The following MYO3B variants were observed in gnomAD, a reference collection of about 807,000 sequenced individuals.
MYO3B encodes the protein myosin IIIB.
A neutral mutation model predicts 174.6 loss-of-function variants in MYO3B; 156 were observed. The observed-to-expected ratio is 0.89, with a 90% CI of 0.78 to 1.02. MYO3B has a LOEUF of 1.02. Ranked by LOEUF, MYO3B falls within the 50% of genes least tolerant of loss-of-function variation. The pLI is 0.00. For synonymous variants in MYO3B, 563 were observed against 569.1 expected (o/e 0.99, Z 0.15); for missense variants, 1,632 against 1,639.4 (o/e 1.00, Z 0.08).
At chr2:170,583,793 C>T (rs1693315489) in intron 32 of MYO3B, among the ~76,000 whole-genome samples, 2 of 152,052 alleles carry the variant, frequency 1.3e-5, no homozygotes, top group South Asian at 4.1e-4. Flanking sequence ...GCTCCTTGCC[C>T]AAGGTCACAC....
At chr2:170,337,938 G>A (rs1361319811) in intron 8 of MYO3B, 1 of 152,094 alleles carries the variant, frequency 6.6e-6, no homozygotes, top group Non-Finnish European at 1.5e-5. Context: ...GAAGAGGAGG[G>A]GTTGGTTCCG....
chr2:170,540,900 A>C (rs1690055754), intron 30 of MYO3B, among the ~76,000 whole-genome samples: 1 of 152,206 alleles, frequency 6.6e-6, no homozygotes, highest in Admixed American at 6.5e-5. Flanking sequence ...TTATTAAATT[A>C]AAGTTGCCGG....
At chr2:170,230,102 C>T (rs114637340) in intron 6 of MYO3B, among the ~76,000 whole-genome samples, 6 of 151,656 alleles carry the variant, frequency 4.0e-5, no homozygotes, top group East Asian at 1.9e-4. Context: ...TAACATTTAT[C>T]GATTATACTA....
At chr2:170,537,210 A>C (rs1213030781) in intron 30 of MYO3B, among the ~76,000 whole-genome samples, 9 of 119,496 alleles carry the variant, frequency 7.5e-5, no homozygotes, top group East Asian at 2.5e-4. Flanking sequence ...CAAAAAAAAA[A>C]AAAAACAAAA....
intron 28 of MYO3B, among the ~76,000 whole-genome samples, chr2:170,511,334 AGGATTACAGGCGTGAG>A (rs1478989193): frequency 1.6e-4 from 24 of 151,888 alleles, no homozygotes; most frequent in Middle Eastern, 3.4e-3. Context: ...CCAAAGTGCT[AGGATTACAGGCGTGAG>A]CCACCGCGCC....
chr2:170,548,899 T>C (rs1055685832), intron 32 of MYO3B, among the ~76,000 whole-genome samples: 3 of 152,184 alleles, frequency 2.0e-5, no homozygotes, highest in Non-Finnish European at 4.4e-5. Flanking sequence ...AAAGCTGATG[T>C]TTCTTGCTGT....
At chr2:170,434,933 A>C (rs1395232204) in intron 22 of MYO3B, among the ~76,000 whole-genome samples, 1 of 152,206 alleles carries the variant, frequency 6.6e-6, no homozygotes, top group African/African-American at 2.4e-5. Context: ...TTCTGGGATT[A>C]CAGGTGAGAG....
chr2:170,614,667 T>A (rs571744466), intron 32 of MYO3B, among the ~76,000 whole-genome samples: 37 of 152,274 alleles, frequency 2.4e-4, no homozygotes, highest in African/African-American at 8.4e-4. Context: ...TTTCTGACAA[T>A]CTCCCAGGTG....
intron 6 of MYO3B, among the ~76,000 whole-genome samples, chr2:170,233,211 T>A (rs2093032716): frequency 6.6e-6 from 1 of 152,210 alleles, no homozygotes; most frequent in Non-Finnish European, 1.5e-5. Context: ...CCCATATCCT[T>A]TATTGGACGT....
chr2:170,557,417 G>A (rs987093335), intron 32 of MYO3B, among the ~76,000 whole-genome samples: 1 of 152,074 alleles, frequency 6.6e-6, no homozygotes, highest in African/African-American at 2.4e-5. Context: ...ATTTATGTTT[G>A]CTAAGTTACT....
chr2:170,431,222 C>T (rs920390153), intron 22 of MYO3B, among the ~76,000 whole-genome samples: 5 of 152,104 alleles, frequency 3.3e-5, no homozygotes, highest in Middle Eastern at 3.2e-3. Flanking sequence ...CAAACTCCAC[C>T]AAGAAAATAA....
chr2:170,249,684 G>C (rs918590687), intron 7 of MYO3B, among the ~76,000 whole-genome samples: 10 of 152,218 alleles, frequency 6.6e-5, no homozygotes, highest in Admixed American at 4.6e-4. Context: ...AGTCCTGTCT[G>C]GTTGGGTTTA....
At chr2:170,507,897 C>T (rs1687715872) in intron 28 of MYO3B, among the ~76,000 whole-genome samples, 2 of 152,108 alleles carry the variant, frequency 1.3e-5, no homozygotes, top group Admixed American at 1.3e-4. Flanking sequence ...TTGGCACAAA[C>T]GATAGAATTT....
intron 7 of MYO3B, among the ~76,000 whole-genome samples, chr2:170,251,767 C>G (rs1039150729): frequency 8.5e-5 from 13 of 152,144 alleles, no homozygotes; most frequent in African/African-American, 3.1e-4. Flanking sequence ...GTTTGTGGTA[C>G]TTTGTTACAG....
At chr2:170,559,173 C>T (rs1318697458) in intron 32 of MYO3B, among the ~76,000 whole-genome samples, 1 of 152,168 alleles carries the variant, frequency 6.6e-6, no homozygotes, top group Non-Finnish European at 1.5e-5. Context: ...TAGAACCCAA[C>T]CCAGAGCTGG....
At chr2:170,412,444 A>G (rs2094551963) in intron 22 of MYO3B, 1 of 152,192 alleles carries the variant, frequency 6.6e-6, no homozygotes, top group African/African-American at 2.4e-5. Context: ...TTTTACCCTC[A>G]TTGCCTTCTT....
At chr2:170,514,009 A>G (rs1392292150) in intron 28 of MYO3B, among the ~76,000 whole-genome samples, 6 of 152,254 alleles carry the variant, frequency 3.9e-5, no homozygotes, top group African/African-American at 1.4e-4. Context: ...AGGAAGGTGC[A>G]AGAAGTGAGA....
chr2:170,243,944 A>G (rs2093162843), intron 7 of MYO3B, among the ~76,000 whole-genome samples: 1 of 152,178 alleles, frequency 6.6e-6, no homozygotes, highest in Non-Finnish European at 1.5e-5. Flanking sequence ...CTCTTAAGAG[A>G]TACGGTCACA....
At chr2:170,191,595 T>C (rs1175923003) in intron 1 of MYO3B, among the ~76,000 whole-genome samples, 2 of 152,148 alleles carry the variant, frequency 1.3e-5, no homozygotes, top group Non-Finnish European at 2.9e-5. Context: ...TGTTACTTTC[T>C]ACTGTGACAG....
Sources: gnomAD v4.1 joint callset for allele counts (sites outside exome capture counted in the v4.1 genomes callset) on GRCh38, gnomAD v4.1.1 for gene constraint, MANE v1.5 for transcripts, NCBI Gene and HGNC (gene_info 2026-07-23, HGNC 2026-07-21) for gene names.